The following AGBL4 variants were observed in gnomAD, a reference collection of about 807,000 sequenced individuals.
The protein encoded by AGBL4 is AGBL carboxypeptidase 4, also known as cytosolic carboxypeptidase 6.
In AGBL4, 58 loss-of-function variants were observed where a neutral mutation model predicts 66.4. That is an observed-to-expected ratio of 0.87 (90% confidence interval 0.71 to 1.09). The LOEUF is 1.09. Ranked by LOEUF, AGBL4 falls within the 50% of genes least tolerant of loss-of-function variation. AGBL4 has a pLI of 0.00. For missense variants in AGBL4, 579 were observed against 631.0 expected (o/e 0.92, Z 0.88); for synonymous variants, 234 against 222.9 (o/e 1.05, Z -0.44).
At chr1:49,927,731 T>C (rs188477749) in intron 1 of AGBL4, among the ~76,000 whole-genome samples, 29 of 144,724 alleles carry the variant, frequency 2.0e-4, no homozygotes, top group Admixed American at 5.5e-4. Flanking sequence ...ATCTAGAAAA[T>C]AGCGTCAACA....
At chr1:48,829,533 G>A (rs1646502937) in intron 6 of AGBL4, among the ~76,000 whole-genome samples, 1 of 152,092 alleles carries the variant, frequency 6.6e-6, no homozygotes, top group Non-Finnish European at 1.5e-5. Flanking sequence ...TATAAGTTCT[G>A]CCCTATGGGG....
chr1:49,495,148 G>T (rs577737659), intron 3 of AGBL4, among the ~76,000 whole-genome samples: 1 of 152,118 alleles, frequency 6.6e-6, no homozygotes, highest in East Asian at 1.9e-4. Context: ...GTACACTAAC[G>T]TCTAATTATA....
At chr1:48,902,150 C>G (rs1027850889) in intron 5 of AGBL4, among the ~76,000 whole-genome samples, 1 of 152,164 alleles carries the variant, frequency 6.6e-6, no homozygotes, top group Non-Finnish European at 1.5e-5. Flanking sequence ...GAAATTCAAG[C>G]TGAGATTTGG....
chr1:49,040,609 C>CT (rs1643912545), intron 5 of AGBL4, among the ~76,000 whole-genome samples: 1 of 152,036 alleles, frequency 6.6e-6, no homozygotes, highest in Non-Finnish European at 1.5e-5. Flanking sequence ...CAATGGAATA[C>CT]TATTCAGTAC....
At chr1:49,398,162 TCTGA>T (rs886154054) in intron 3 of AGBL4, among the ~76,000 whole-genome samples, 3 of 152,218 alleles carry the variant, frequency 2.0e-5, no homozygotes, top group Non-Finnish European at 4.4e-5. Context: ...AAACAGTATT[TCTGA>T]CTGTCTGTGA....
At chr1:49,935,575 G>C (rs986894246) in intron 1 of AGBL4, among the ~76,000 whole-genome samples, 1 of 152,142 alleles carries the variant, frequency 6.6e-6, no homozygotes, top group Non-Finnish European at 1.5e-5. Flanking sequence ...GCCTAACTGG[G>C]AGGCACCCCC....
intron 2 of AGBL4, among the ~76,000 whole-genome samples, chr1:49,761,107 C>T (rs1652274250): frequency 6.7e-6 from 1 of 148,580 alleles, no homozygotes; most frequent in Admixed American, 6.7e-5. Context: ...TGTAACAAAC[C>T]TGCATGTTCT....
At chr1:49,110,161 T>A (rs988711083) in intron 4 of AGBL4, among the ~76,000 whole-genome samples, 2 of 152,214 alleles carry the variant, frequency 1.3e-5, no homozygotes, top group African/African-American at 4.8e-5. Context: ...CTCCCTTCAA[T>A]GTCCACATTT....
chr1:49,747,462 C>T (rs1328553808), intron 2 of AGBL4, among the ~76,000 whole-genome samples: 1 of 152,042 alleles, frequency 6.6e-6, no homozygotes, highest in Admixed American at 6.6e-5. Context: ...GATAATAGTG[C>T]CTAATCCCAC....
intron 5 of AGBL4, among the ~76,000 whole-genome samples, chr1:48,885,901 C>T (rs964062562): frequency 2.7e-4 from 41 of 152,194 alleles, no homozygotes; most frequent in Non-Finnish European, 3.8e-4. Context: ...TAGATGGCAA[C>T]CCCAAATGGT....
At chr1:49,299,824 G>C (rs1570378114) in intron 3 of AGBL4, among the ~76,000 whole-genome samples, 1 of 151,878 alleles carries the variant, frequency 6.6e-6, no homozygotes, top group East Asian at 1.9e-4. Context: ...TCTATTCCTA[G>C]TTTTCTGAGT....
chr1:49,546,833 T>C (rs1295333145), intron 3 of AGBL4, among the ~76,000 whole-genome samples: 2 of 152,220 alleles, frequency 1.3e-5, no homozygotes, highest in African/African-American at 4.8e-5. Context: ...TTAATGTGCT[T>C]AGCCCCGTTT....
chr1:48,769,197 G>A (rs1644681222), intron 6 of AGBL4, among the ~76,000 whole-genome samples: 1 of 152,150 alleles, frequency 6.6e-6, no homozygotes, highest in Non-Finnish European at 1.5e-5. Context: ...AACAGTAGAT[G>A]AGCTAGAAGA....
intron 4 of AGBL4, among the ~76,000 whole-genome samples, chr1:49,231,966 G>A (rs1260480910): frequency 1.3e-5 from 2 of 152,180 alleles, no homozygotes; most frequent in Non-Finnish European, 2.9e-5. Flanking sequence ...CTGTAGGAAA[G>A]ACTAAGCTAT....
intron 5 of AGBL4, among the ~76,000 whole-genome samples, chr1:48,945,782 C>G (rs954741615): frequency 2.6e-5 from 4 of 152,148 alleles, no homozygotes; most frequent in Non-Finnish European, 4.4e-5. Context: ...ATATTAAGAG[C>G]AAGGGGTCTG....
chr1:49,676,753 T>A (rs1646586321), intron 3 of AGBL4, among the ~76,000 whole-genome samples: 1 of 152,112 alleles, frequency 6.6e-6, no homozygotes, highest in Non-Finnish European at 1.5e-5. Context: ...ACATCAATCC[T>A]ACATACAGGT....
chr1:49,116,092 A>T (rs866895674), intron 4 of AGBL4, among the ~76,000 whole-genome samples: 2 of 152,342 alleles, frequency 1.3e-5, no homozygotes, highest in African/African-American at 4.8e-5. Context: ...TGCACGAGAT[A>T]TCTATGATTT....
At chr1:49,295,221 A>G (rs1644618957) in intron 3 of AGBL4, among the ~76,000 whole-genome samples, 1 of 152,186 alleles carries the variant, frequency 6.6e-6, no homozygotes, top group African/African-American at 2.4e-5. Flanking sequence ...ATATAACAAA[A>G]AATGCTATGT....
chr1:48,760,551 T>C (rs552775042), intron 6 of AGBL4, among the ~76,000 whole-genome samples: 19 of 152,350 alleles, frequency 1.2e-4, no homozygotes, highest in Admixed American at 9.8e-4. Flanking sequence ...TGCGTCACTA[T>C]AATGTGAGAC....
Sources: gnomAD v4.1 joint callset for allele counts (sites outside exome capture counted in the v4.1 genomes callset) on GRCh38, gnomAD v4.1.1 for gene constraint, MANE v1.5 for transcripts, NCBI Gene and HGNC (gene_info 2026-07-23, HGNC 2026-07-21) for gene names.